Variants in MEMO1 observed in about 807,000 individuals in gnomAD.
MEMO1 encodes the protein mediator of cell motility 1, also known as protein MEMO1.
A neutral mutation model predicts 45.2 loss-of-function variants in MEMO1; 6 were observed. That is an observed-to-expected ratio of 0.13 (90% confidence interval 0.07 to 0.26). MEMO1 has a LOEUF of 0.26. Ranked by LOEUF, MEMO1 falls within the 10% of genes least tolerant of loss-of-function variation. The probability of loss-of-function intolerance (pLI) is 1.00; values close to 1 mark genes in which losing one functional copy is unlikely to be tolerated. For missense variants in MEMO1, 184 were observed against 370.5 expected (o/e 0.50, Z 4.13); for synonymous variants, 78 against 124.3 (o/e 0.63, Z 2.48).
intron 3 of MEMO1, among the ~76,000 whole-genome samples, chr2:31,936,688 G>T (rs886136924): frequency 6.6e-6 from 1 of 152,144 alleles, no homozygotes; most frequent in Non-Finnish European, 1.5e-5. Flanking sequence ...TACAGGACAT[G>T]GATTTTCACT....
chr2:31,967,469 G>A (rs1453882137), intron 2 of MEMO1, among the ~76,000 whole-genome samples: 1 of 151,824 alleles, frequency 6.6e-6, no homozygotes, highest in Non-Finnish European at 1.5e-5. Flanking sequence ...TTTTCTTTGA[G>A]ACAGGGTCTT....
At chr2:31,878,902 T>C (rs912886065) in intron 8 of MEMO1, among the ~76,000 whole-genome samples, 9 of 152,150 alleles carry the variant, frequency 5.9e-5, no homozygotes, top group African/African-American at 1.9e-4. Context: ...ATGAATAAAA[T>C]GTAACACAAG....
intron 6 of MEMO1, among the ~76,000 whole-genome samples, chr2:31,915,776 C>T (rs183591045): frequency 4.6e-5 from 7 of 152,184 alleles, no homozygotes; most frequent in Non-Finnish European, 8.8e-5. Flanking sequence ...TCTTGTGGAC[C>T]GGAGCAAGGT....
At chr2:31,931,862 G>C (rs1664218282) in intron 4 of MEMO1, among the ~76,000 whole-genome samples, 2 of 152,028 alleles carry the variant, frequency 1.3e-5, no homozygotes, top group Admixed American at 1.3e-4. Flanking sequence ...CAAAGGGAAG[G>C]TAAAAATCAA....
Position 32,010,933 on chromosome 2 carries a change from C to T in MEMO1, c.-18+9G>A, listed in dbSNP as rs574871154. On this transcript the variant is annotated intron_variant, in intron 1 of 9. Coordinates refer to ENST00000404530, the MANE Select transcript of MEMO1 (RefSeq NM_001301833.4). The stretch of plus-strand genomic sequence containing the variant: ...AGGCAGACCCGGAGAAGAGCCAACG[C>T]TTCCTTACTCGCCACTCTAACGGGT... 2 of 152,536 alleles carry T rather than the reference C, an allele frequency of 1.3e-5. No homozygotes were observed. The highest frequency in any genetic ancestry group is 3.9e-4 in the East Asian group (2 of 5,186). 9.4% of individuals were successfully genotyped at this position (152,536 alleles called of 1,614,324 possible). A position where few individuals can be genotyped will look rare whatever the true frequency, so the allele number is the denominator to read the frequency against.
chr2:31,906,721 T>C (rs1262191296), intron 6 of MEMO1, among the ~76,000 whole-genome samples: 3 of 152,198 alleles, frequency 2.0e-5, no homozygotes, highest in Non-Finnish European at 4.4e-5. Flanking sequence ...ACAAGTATTT[T>C]ACAACGGCAT....
intron 2 of MEMO1, among the ~76,000 whole-genome samples, chr2:31,976,970 C>T (rs1245915092): frequency 6.6e-6 from 1 of 151,920 alleles, no homozygotes; most frequent in Non-Finnish European, 1.5e-5. Flanking sequence ...ACAGCCGTTT[C>T]CATCAAAAGA....
chr2:31,945,964 T>A (rs1390862970), intron 2 of MEMO1, among the ~76,000 whole-genome samples: 1 of 152,220 alleles, frequency 6.6e-6, no homozygotes, highest in Admixed American at 6.5e-5. Flanking sequence ...CTTGGCTAGA[T>A]GTAAGGGTGA....
chr2:31,904,552 T>C lies in MEMO1; in HGVS notation c.438-12418A>G, dbSNP rs373492717. On this transcript the variant is annotated intron_variant, in intron 6 of 9. Coordinates refer to ENST00000404530, the MANE Select transcript of MEMO1 (RefSeq NM_001301833.4). ...TGGATTCTAGAGCACGCAACCTAGA[T>C]CCCTCACATGTGCAGTTCACAATAG... Among the ~76,000 whole-genome samples the C allele has an allele frequency of 7.9e-5, 12 of 152,300 alleles. No individual in the cohort carries two copies. In the East Asian group the frequency reaches 1.9e-3, roughly 25 times the overall value.
chr2:31,909,030 G>T (rs1680191882), intron 6 of MEMO1, among the ~76,000 whole-genome samples: 1 of 152,122 alleles, frequency 6.6e-6, no homozygotes, highest in African/African-American at 2.4e-5. Context: ...TAATAACAGG[G>T]GAAAGTAACT....
chr2:31,966,276 T>C (rs929111450), intron 2 of MEMO1, among the ~76,000 whole-genome samples: 1 of 152,220 alleles, frequency 6.6e-6, no homozygotes, highest in African/African-American at 2.4e-5. Flanking sequence ...AATAGAGACT[T>C]ATTTTAGGAT....
intron 2 of MEMO1, among the ~76,000 whole-genome samples, chr2:31,965,045 C>A (rs903534391): frequency 6.6e-5 from 10 of 151,952 alleles, no homozygotes; most frequent in African/African-American, 2.2e-4. Context: ...GAAACCCTGT[C>A]TCTACTAAAA....
chr2:31,940,264 C>A (rs1665448177), intron 3 of MEMO1, among the ~76,000 whole-genome samples: 1 of 152,180 alleles, frequency 6.6e-6, no homozygotes, highest in African/African-American at 2.4e-5. Flanking sequence ...ATTATATATA[C>A]TAATAAAGCC....
At chr2:31,926,797 AG>A (rs1242477510) in intron 4 of MEMO1, among the ~76,000 whole-genome samples, 1 of 151,832 alleles carries the variant, frequency 6.6e-6, no homozygotes, top group Non-Finnish European at 1.5e-5. Context: ...CAGTGAGCTG[AG>A]ATCCTGCCAC....
intron 8 of MEMO1, 97 bp from the exon 9 acceptor site, chr2:31,870,049 AT>A: frequency 1.0e-6 from 1 of 953,772 alleles, no homozygotes; most frequent in Non-Finnish European, 1.4e-6. Context: ...CTTAAACATA[AT>A]TCTTCAATTA....
intron 5 of MEMO1, 82 bp from the exon 6 acceptor site, chr2:31,918,119 C>A: frequency 1.2e-6 from 1 of 822,558 alleles, no homozygotes. Flanking sequence ...TAACACAAAA[C>A]TACATGCTTT....
intron 2 of MEMO1, among the ~76,000 whole-genome samples, chr2:31,961,595 T>G (rs1487643389): frequency 1.3e-5 from 2 of 150,044 alleles, no homozygotes; most frequent in Admixed American, 1.3e-4. Flanking sequence ...AGACTCTGTC[T>G]CTATAAAAAA....
rs1558514113 is a variant in MEMO1, at chr2:31,933,339, AAAAAAAAAAATTTAT to A, written c.144-1219_144-1205del. Reference sequence around the variant, plus strand: ...CTTTAAAAAAAAAAAAAAAAAAAAAAAAAAAAAAAATTTATATATATATATATATATATATATATA... The same window carrying A: ...CTTTAAAAAAAAAAAAAAAAAAAAAAATATATATATATATATATATATATA... On this transcript the variant is annotated intron_variant, in intron 3 of 9. Coordinates refer to ENST00000404530, the MANE Select transcript of MEMO1 (RefSeq NM_001301833.4). Among the ~76,000 whole-genome samples the A allele has an allele frequency of 1.0e-4, 7 of 66,786 alleles. 1 individual carries two copies. The highest frequency in any genetic ancestry group is 3.3e-4 in the African/African-American group (5 of 15,212). 43.8% of individuals were successfully genotyped at this position (66,786 alleles called of 152,430 possible). A position where few individuals can be genotyped will look rare whatever the true frequency, so the allele number is the denominator to read the frequency against.
chr2:31,874,338 C>T (rs563054761), intron 8 of MEMO1, among the ~76,000 whole-genome samples: 59 of 152,162 alleles, frequency 3.9e-4, no homozygotes, highest in South Asian at 3.3e-3. Context: ...ACCAAAAACA[C>T]TGGTCTATAG....
Sources: gnomAD v4.1 joint callset for allele counts (sites outside exome capture counted in the v4.1 genomes callset) on GRCh38, gnomAD v4.1.1 for gene constraint, MANE v1.5 for transcripts, NCBI Gene and HGNC (gene_info 2026-07-23, HGNC 2026-07-21) for gene names.